Variants in OPN5 observed in about 807,000 individuals in gnomAD.
OPN5 encodes the protein opsin 5.
Under a neutral mutation model 41.7 loss-of-function variants are expected in OPN5, and 18 were observed. That is an observed-to-expected ratio of 0.43 (90% CI 0.30 to 0.64). OPN5 has a LOEUF of 0.64. Ranked by LOEUF, OPN5 falls within the 30% of genes least tolerant of loss-of-function variation. The pLI, the probability that OPN5 is intolerant of heterozygous loss-of-function variation, is 0.13. For missense variants in OPN5, 318 were observed against 434.5 expected, an observed-to-expected ratio of 0.73 and a Z score of 2.38; for synonymous variants, 178 against 164.3, an observed-to-expected ratio of 1.08 and a Z score of -0.64.
At chr6:47,823,960 A>C in intron 6 of OPN5, 23 bp from the exon 7 acceptor site, 10 of 1,547,106 alleles carry the variant, frequency 6.5e-6, no homozygotes, top group Non-Finnish European at 8.7e-6. Flanking sequence ...TCACCCTAAA[A>C]CTCAATTTTT....
At chr6:47,786,980 C>T in intron 2 of OPN5, 1 of 794,388 alleles carries the variant, frequency 1.3e-6, no homozygotes, top group Non-Finnish European at 1.6e-6. Flanking sequence ...GTATTTTAAG[C>T]TTCTTTACAC....
rs137917419 is a variant in OPN5 at position 47,789,078 on chromosome 6, C to A, written c.250+2444C>A. Among the ~76,000 whole-genome samples the A allele has an allele frequency of 2.7e-3, 407 of 152,066 alleles. 2 individuals are homozygous for A. Among genetic ancestry groups the A allele is most frequent in the African/African-American group, 9.3e-3 (385 of 41,468 alleles). On this transcript the variant is annotated intron_variant, in intron 2 of 6. Coordinates refer to ENST00000371211, the Ensembl canonical transcript of OPN5. Reference sequence around the variant, plus strand: ...GAAATCGCTTTTGCTAATCAGGATCCCAGGCACAACAGATGTAATCTTACT... The same window carrying A: ...GAAATCGCTTTTGCTAATCAGGATCACAGGCACAACAGATGTAATCTTACT...
At position 47,788,816 on chromosome 6, in the gene OPN5, G is replaced by A. The variant is rs574741005; in HGVS notation, c.250+2182G>A. On this transcript the variant is annotated intron_variant, in intron 2 of 6. Transcript: ENST00000371211. ...ATATTAGGATAACCTGGGGGGGGGC[G>A]GTGGTGGTGTTAAAAATATGTATAA... Among the ~76,000 whole-genome samples, 38 of 144,944 alleles carry A rather than the reference G, an allele frequency of 2.6e-4. 1 individual carries two copies. In the South Asian group the frequency reaches 7.8e-3, roughly 30 times the overall value.
At chr6:47,795,013 C>T (rs1773496835) in intron 3 of OPN5, 1 of 481,034 alleles carries the variant, frequency 2.1e-6, no homozygotes, top group Non-Finnish European at 3.7e-6. Flanking sequence ...CTCCCAGATG[C>T]CTAGAGAAAA....
intron 2 of OPN5, among the ~76,000 whole-genome samples, 200 bp downstream of exon 2, chr6:47,786,834 TTGAG>T (rs765880002): frequency 1.3e-5 from 2 of 152,246 alleles, no homozygotes; most frequent in Non-Finnish European, 2.9e-5. Flanking sequence ...TTAATATTTA[TTGAG>T]TCTTTTCTGT....
chr6:47,784,685 G>T (rs190719494), intron 1 of OPN5, among the ~76,000 whole-genome samples: 390 of 152,244 alleles, frequency 2.6e-3, no homozygotes, highest in African/African-American at 8.5e-3. Flanking sequence ...AGTCTTAAGA[G>T]ACAATGGAAA....
chr6:47,787,584 T>C (rs947783670), intron 2 of OPN5, among the ~76,000 whole-genome samples: 5 of 152,142 alleles, frequency 3.3e-5, no homozygotes, highest in African/African-American at 1.2e-4. Flanking sequence ...TTGTTAGTAG[T>C]TTCCCGTCAA....
At chr6:47,798,851 A>T (rs1352261218) in intron 4 of OPN5, among the ~76,000 whole-genome samples, 1 of 151,974 alleles carries the variant, frequency 6.6e-6, no homozygotes, top group African/African-American at 2.4e-5. Context: ...AGCCTTAGAA[A>T]CCTTTTTGCT....
chr6:47,789,058 C>T (rs1372872011), intron 2 of OPN5, among the ~76,000 whole-genome samples: 1 of 151,952 alleles, frequency 6.6e-6, no homozygotes, highest in Non-Finnish European at 1.5e-5. Flanking sequence ...AGCCTGAAAT[C>T]GCTTTTGCTA....
chr6:47,801,474 T>A (rs575699474), intron 4 of OPN5, among the ~76,000 whole-genome samples: 1 of 152,322 alleles, frequency 6.6e-6, no homozygotes, highest in East Asian at 1.9e-4. Context: ...ATGTTATTTA[T>A]CATTGAAGGA....
At chr6:47,798,389 C>T (rs9473185) in intron 4 of OPN5, among the ~76,000 whole-genome samples, 22,222 of 151,238 alleles carry the variant, frequency 0.15, 1,719 homozygotes, top group Middle Eastern at 0.17. Context: ...TAGCTCAGCA[C>T]ATATCCCATT....
intron 4 of OPN5, among the ~76,000 whole-genome samples, chr6:47,797,950 A>T (rs1252556544): frequency 6.6e-6 from 1 of 152,154 alleles, no homozygotes; most frequent in Non-Finnish European, 1.5e-5. Context: ...GGAACTCATT[A>T]TACATATGAG....
At chr6:47,818,854 T>G (rs1349494110) in intron 6 of OPN5, among the ~76,000 whole-genome samples, 1 of 151,794 alleles carries the variant, frequency 6.6e-6, no homozygotes, top group Non-Finnish European at 1.5e-5. Context: ...GCAACTGGAG[T>G]GTATTGAGGC....
chr6:47,818,146 G>T (rs774905254), intron 6 of OPN5, among the ~76,000 whole-genome samples: 23 of 152,124 alleles, frequency 1.5e-4, no homozygotes, highest in African/African-American at 3.9e-4. Flanking sequence ...ATAGCCGCCC[G>T]ATCCACATAT....
At chr6:47,814,090 A>G (rs1488217332) in intron 6 of OPN5, among the ~76,000 whole-genome samples, 2 of 152,162 alleles carry the variant, frequency 1.3e-5, no homozygotes, top group African/African-American at 4.8e-5. Flanking sequence ...TGCAGAGTGA[A>G]GCAGGTAGAA....
At chr6:47,807,387 G>A (rs1376897738) in intron 4 of OPN5, among the ~76,000 whole-genome samples, 3 of 152,140 alleles carry the variant, frequency 2.0e-5, no homozygotes, top group African/African-American at 4.8e-5. Context: ...GGGGTCAGGC[G>A]GGTAGTTACA....
intron 2 of OPN5, 44 bp from the exon 3 acceptor site, chr6:47,791,758 A>G: frequency 1.3e-6 from 2 of 1,590,716 alleles, no homozygotes; most frequent in Admixed American, 1.7e-5. Context: ...GTGGGGAAAT[A>G]GTAACCAGAG....
chr6:47,805,694 A>C (rs1020846383), intron 4 of OPN5, among the ~76,000 whole-genome samples: 1 of 152,174 alleles, frequency 6.6e-6, no homozygotes, highest in African/African-American at 2.4e-5. Context: ...TTGTTATGGG[A>C]AAAACACATC....
exon 1 of OPN5, chr6:47,782,075 A>C (rs371528085): frequency 5.6e-6 from 9 of 1,613,404 alleles, no homozygotes; most frequent in Admixed American, 1.7e-5. Context: ...GAATGGCGTT[A>C]AATCACACTG....
Sources: gnomAD v4.1 joint callset for allele counts (sites outside exome capture counted in the v4.1 genomes callset) on GRCh38, gnomAD v4.1.1 for gene constraint, MANE v1.5 for transcripts, NCBI Gene and HGNC (gene_info 2026-07-23, HGNC 2026-07-21) for gene names.